The following KCNJ8 variants were observed in gnomAD, a reference collection of about 807,000 sequenced individuals.
The protein encoded by KCNJ8 is ATP-sensitive inward rectifier potassium channel 8.
KCNJ8 carries 13 observed loss-of-function variants against 28.2 expected under a neutral mutation model. The ratio of observed to expected loss-of-function variants is 0.46; its 90% CI spans 0.30 to 0.73. The LOEUF (loss-of-function observed/expected upper bound fraction) is 0.73. KCNJ8 is among the 30% of genes least tolerant of loss of function. The pLI is 0.07. For synonymous variants in KCNJ8, 188 were observed against 195.9 expected (o/e 0.96, Z 0.34); for missense variants, 284 against 542.6 (o/e 0.52, Z 4.73).
Position 21,766,335 on chromosome 12 carries a change from A to G in KCNJ8, c.663T>C (p.Ile221=), listed in dbSNP as rs1273362702. The change falls in exon 3 of 3, where the codon ATT becomes ATC. Residue 221 remains isoleucine (I), a synonymous_variant. Transcript: ENST00000240662. This position sits in a 1 kb window ranked among gnomAD's most constrained non-coding sequence, Gnocchi z 6.5. ...RVGDLRKSMI[I]SASVRIQVVK... is the part of the protein sequence containing the mutation. ...CCACCTGGATGCGCACAGAGGCACTAATGATCATGCTTTTCCTCAGGTCAC... is the reference window on the plus strand; with the variant it reads ...CCACCTGGATGCGCACAGAGGCACTGATGATCATGCTTTTCCTCAGGTCAC... The G allele has an allele frequency of 6.2e-7, 1 of 1,614,204 alleles. No individual in the cohort carries two copies.
At position 21,773,806 on chromosome 12, in the gene KCNJ8, A is replaced by G. The variant is rs1940820118; in HGVS notation, c.-70-120T>C. On this transcript the variant is annotated intron_variant, in intron 1 of 2. Coordinates refer to ENST00000240662, the MANE Select transcript of KCNJ8 (RefSeq NM_004982.4). The surrounding 1 kb of genome is among the most constrained non-coding windows in gnomAD (Gnocchi z 4.6). ...GGTGACATGCAAAACCAAAAATGTG[A>G]TTTTTACTAACCCAAACATGAATCT... 2 of 676,448 alleles carry G rather than the reference A, an allele frequency of 3.0e-6. No homozygotes were observed. Among genetic ancestry groups the G allele is most frequent in the Non-Finnish European group, 5.0e-6 (2 of 400,962 alleles). The allele number at this position is 676,448 out of a possible 1,614,324, so 41.9% of individuals were successfully genotyped here.
chr12:21,771,336 C>T (rs1270267798), intron 2 of KCNJ8, among the ~76,000 whole-genome samples: 1 of 152,176 alleles, frequency 6.6e-6, no homozygotes, highest in Non-Finnish European at 1.5e-5. Flanking sequence ...ACTTGCTATG[C>T]TAAACAATCT....
intron 2 of KCNJ8, among the ~76,000 whole-genome samples, chr12:21,772,815 G>C (rs944405265): frequency 6.6e-6 from 1 of 152,126 alleles, no homozygotes; most frequent in Non-Finnish European, 1.5e-5. Context: ...AAAATGTCAT[G>C]GGTTAGAAGA....
intron 2 of KCNJ8, among the ~76,000 whole-genome samples, chr12:21,768,092 C>G (rs921646308): frequency 6.6e-6 from 1 of 152,132 alleles, no homozygotes. Context: ...TGTTCCACCT[C>G]AGATCATCAG....
At position 21,773,788 on chromosome 12, in the gene KCNJ8, T is replaced by TGAAAAACCAAAAA. The variant is rs1940819778; in HGVS notation, c.-70-103_-70-102insTTTTTGGTTTTTC. ...ATGTCTGTACATGTGCGAGGTGACATGCAAAACCAAAAATGTGATTTTTAC... is the reference window on the plus strand; with the variant it reads ...ATGTCTGTACATGTGCGAGGTGACATGAAAAACCAAAAAGCAAAACCAAAAATGTGATTTTTAC... On this transcript the variant is annotated intron_variant, in intron 1 of 2. Transcript: ENST00000240662. The surrounding 1 kb of genome is among the most constrained non-coding windows in gnomAD (Gnocchi z 4.6). 2.5e-6 allele frequency: 2 copies of TGAAAAACCAAAAA among 809,006 alleles called. No homozygotes were observed. Among genetic ancestry groups the TGAAAAACCAAAAA allele is most frequent in the Non-Finnish European group, 2.0e-6 (1 of 512,686 alleles). 50.1% of individuals were successfully genotyped at this position (809,006 alleles called of 1,614,324 possible). A position where few individuals can be genotyped will look rare whatever the true frequency, so the allele number is the denominator to read the frequency against.
intron 2 of KCNJ8, among the ~76,000 whole-genome samples, chr12:21,767,461 G>A (rs78337188): frequency 0.044 from 6,726 of 152,068 alleles, 536 homozygotes; most frequent in African/African-American, 0.15. Context: ...GGATTCTCAT[G>A]GTATAGTGAA....
intron 2 of KCNJ8, among the ~76,000 whole-genome samples, chr12:21,768,606 AG>A (rs1359575038): frequency 1.3e-5 from 2 of 152,376 alleles, no homozygotes; most frequent in South Asian, 2.1e-4. Flanking sequence ...GATAGGCCAA[AG>A]TTTAGGCCTG....
rs777762871 is a variant in KCNJ8 at position 21,773,321 on chromosome 12, C to G, written c.296G>C (p.Gly99Ala). ...TTTCTCCATGTAAGCATAGATGTCCCCATGGGCAAAGGCCACCAGCCACCA... is the reference window on the plus strand; with the variant it reads ...TTTCTCCATGTAAGCATAGATGTCCGCATGGGCAAAGGCCACCAGCCACCA... ...IMWWLVAFAH[G>A]DIYAYMEKSG... The change falls in exon 2 of 3, where the codon GGG (glycine) becomes GCG (alanine). Residue 99 changes from glycine to alanine, a missense_variant. Gly to Ala is a moderately conservative substitution (Grantham distance 60, BLOSUM62 0). This residue lies in a region of KCNJ8 where 42 missense variants were observed against 50.9 expected (regional missense o/e 0.83). Coordinates refer to ENST00000240662, the MANE Select transcript of KCNJ8 (RefSeq NM_004982.4). This position sits in a 1 kb window ranked among gnomAD's most constrained non-coding sequence, Gnocchi z 4.6. 2 of 1,614,194 alleles carry G rather than the reference C, an allele frequency of 1.2e-6. No individual in the cohort carries two copies. Among genetic ancestry groups the G allele is most frequent in the Non-Finnish European group, 1.7e-6 (2 of 1,180,030 alleles).
intron 2 of KCNJ8, among the ~76,000 whole-genome samples, chr12:21,771,021 C>G (rs1460865332): frequency 2.0e-5 from 3 of 152,152 alleles, no homozygotes; most frequent in Non-Finnish European, 1.5e-5. Context: ...CGAAAGTTGC[C>G]TTTCTCTTTT....
chr12:21,770,014 G>A (rs946799830), intron 2 of KCNJ8, among the ~76,000 whole-genome samples: 1 of 152,192 alleles, frequency 6.6e-6, no homozygotes, highest in Non-Finnish European at 1.5e-5. Flanking sequence ...GAGAAGATTA[G>A]CTCCAGTTTT....
chr12:21,772,736 T>A (rs1484227927), intron 2 of KCNJ8, among the ~76,000 whole-genome samples: 3 of 152,204 alleles, frequency 2.0e-5, no homozygotes, highest in African/African-American at 7.2e-5. Context: ...TTTATTTCAT[T>A]TTTTAGTAGA....
In KCNJ8 at chr12:21,773,205, C is replaced by T. The variant is rs747527175; in HGVS notation, c.374+38G>A. Reference sequence around the variant, plus strand: ...AGGGCATTTTGACATTTTTTCTCTACTGTTTTCAACCCCTGCCTCATCCCA... The same window carrying T: ...AGGGCATTTTGACATTTTTTCTCTATTGTTTTCAACCCCTGCCTCATCCCA... On this transcript the variant is annotated intron_variant, in intron 2 of 2. Transcript: ENST00000240662. This position sits in a 1 kb window ranked among gnomAD's most constrained non-coding sequence, Gnocchi z 4.6. 32 of 1,607,194 alleles carry T rather than the reference C, an allele frequency of 2.0e-5. No individual in the cohort carries two copies. Among genetic ancestry groups the T allele is most frequent in the Non-Finnish European group, 2.7e-5 (32 of 1,177,758 alleles).
chr12:21,767,051 C>T (rs961779226), intron 2 of KCNJ8, among the ~76,000 whole-genome samples: 6 of 152,110 alleles, frequency 3.9e-5, no homozygotes, highest in South Asian at 2.1e-4. Context: ...TTATTTATTG[C>T]GTATCTATGT....
At chr12:21,767,834 C>T (rs1397890986) in intron 2 of KCNJ8, among the ~76,000 whole-genome samples, 2 of 152,170 alleles carry the variant, frequency 1.3e-5, no homozygotes, top group African/African-American at 2.4e-5. Context: ...TCCAGCCAGT[C>T]TATTATCACA....
intron 2 of KCNJ8, among the ~76,000 whole-genome samples, chr12:21,771,399 G>A (rs1192812597): frequency 6.6e-6 from 1 of 152,146 alleles, no homozygotes; most frequent in Non-Finnish European, 1.5e-5. Context: ...AAAGAGGTAG[G>A]CTGGATAATA....
At chr12:21,769,852 T>G (rs544422005) in intron 2 of KCNJ8, among the ~76,000 whole-genome samples, 2 of 152,288 alleles carry the variant, frequency 1.3e-5, no homozygotes, top group South Asian at 4.1e-4. Flanking sequence ...AAAACTTGGA[T>G]GAATGAGGAG....
intron 2 of KCNJ8, among the ~76,000 whole-genome samples, chr12:21,768,429 T>C (rs1228096657): frequency 6.6e-6 from 1 of 152,212 alleles, no homozygotes; most frequent in Admixed American, 6.5e-5. Context: ...TTCTTCCCCT[T>C]TCATCAGGAT....
In KCNJ8 at chr12:21,765,505, G is replaced by A. The variant is rs1246636915; in HGVS notation, c.*218C>T. 8.4e-6 allele frequency: 5 copies of A among 592,520 alleles called. No homozygotes were observed. Among genetic ancestry groups the A allele is most frequent in the African/African-American group, 3.7e-5 (2 of 53,616 alleles). The allele number at this position is 592,520 out of a possible 1,614,324, so 36.7% of individuals were successfully genotyped here. A position where few individuals can be genotyped will look rare whatever the true frequency, so the allele number is the denominator to read the frequency against. ...GCACATAACTTAAGTATATCACTGC[G>A]AATTCTACATGTATGAAACAAGCAT... is the stretch of plus-strand genomic sequence containing the variant. On this transcript the variant is annotated 3_prime_UTR_variant, in exon 3 of 3. Coordinates refer to ENST00000240662, the MANE Select transcript of KCNJ8 (RefSeq NM_004982.4).
intron 2 of KCNJ8, among the ~76,000 whole-genome samples, chr12:21,768,511 C>G (rs945096928): frequency 1.3e-5 from 2 of 152,056 alleles, no homozygotes; most frequent in Non-Finnish European, 2.9e-5. Flanking sequence ...ACTAAGTGTT[C>G]GAGTAAAGGA....
Sources: allele counts gnomAD v4.1 joint callset (sites outside exome capture counted in the v4.1 genomes callset), GRCh38; gene constraint gnomAD v4.1.1; regional missense constraint gnomAD v4.1.1; non-coding constraint Gnocchi (gnomAD v3.1); transcripts MANE v1.5; gene names NCBI Gene and HGNC (gene_info 2026-07-23, HGNC 2026-07-21).